Variants in ROR2 observed in about 807,000 individuals in gnomAD.
The protein encoded by ROR2 is tyrosine-protein kinase transmembrane receptor ROR2.
Under a neutral mutation model 74.9 loss-of-function variants are expected in ROR2, and 33 were observed. The observed-to-expected ratio is 0.44, with a 90% CI of 0.33 to 0.59. The LOEUF (loss-of-function observed/expected upper bound fraction) is 0.59. ROR2 is among the 20% of genes least tolerant of loss of function. ROR2 has a pLI of 0.02. For synonymous variants in ROR2, 586 were observed against 558.7 expected, an observed-to-expected ratio of 1.05 and a Z score of -0.69; for missense variants, 1,216 against 1,313.8, an observed-to-expected ratio of 0.93 and a Z score of 1.15.
In ROR2 at chr9:91,789,401, T is replaced by C. The variant is rs1483769936; in HGVS notation, c.98-13583A>G. On this transcript the variant is annotated intron_variant, in intron 1 of 8. Coordinates refer to ENST00000375708, the MANE Select transcript of ROR2 (RefSeq NM_004560.4). ...AAGAGTACTAGTAAAGGTAACTAAG[T>C]AGGTACTGTGAAAGACAGTATAAAC... Among the ~76,000 whole-genome samples the C allele has an allele frequency of 2.6e-5, 4 of 152,170 alleles. No homozygotes were observed. In the East Asian group the frequency reaches 5.8e-4, roughly 22 times the overall value.
intron 1 of ROR2, among the ~76,000 whole-genome samples, chr9:91,824,732 G>C (rs1828232917): frequency 6.6e-6 from 1 of 152,168 alleles, no homozygotes; most frequent in South Asian, 2.1e-4. Context: ...ATGAGAAACA[G>C]GGCATCGGGG....
intron 1 of ROR2, among the ~76,000 whole-genome samples, chr9:91,917,716 G>A (rs908185282): frequency 6.6e-5 from 10 of 150,542 alleles, no homozygotes; most frequent in African/African-American, 9.8e-5. Flanking sequence ...AGAGAGATGC[G>A]TGGGTGCACA....
At chr9:91,948,855 C>G (rs774485953) in intron 1 of ROR2, 386 of 985,498 alleles carry the variant, frequency 3.9e-4, no homozygotes, top group Non-Finnish European at 4.3e-4. Context: ...TCCTCCACCC[C>G]CGCAGGGTGC....
chr9:91,724,682 C>G lies in ROR2; in HGVS notation c.1812G>C (p.Glu604Asp). 6.2e-7 allele frequency: 1 copy of G among 1,614,192 alleles called. No individual in the cohort carries two copies. Among genetic ancestry groups the G allele is most frequent in the Non-Finnish European group, 8.5e-7 (1 of 1,180,048 alleles). ...HLVAQIAAGM[E>D]YLSSHHVVHK... is the part of the protein sequence containing the mutation. Reference sequence around the variant, plus strand: ...GAACCACGTGGTGGCTGGATAGGTACTCCATCCCCGCCGCGATCTGTGCCA... The same window carrying G: ...GAACCACGTGGTGGCTGGATAGGTAGTCCATCCCCGCCGCGATCTGTGCCA... The change falls in exon 9 of 9, where the codon GAG (glutamate) becomes GAC (aspartate). Residue 604 changes from glutamate (E) to aspartate (D), a missense_variant. Glu to Asp is a conservative substitution (Grantham distance 45). Transcript: ENST00000375708.
At chr9:91,879,111 A>C (rs1830035155) in intron 1 of ROR2, among the ~76,000 whole-genome samples, 1 of 152,068 alleles carries the variant, frequency 6.6e-6, no homozygotes, top group African/African-American at 2.4e-5. Flanking sequence ...CATTGTTCCC[A>C]AAAGCCACAG....
chr9:91,937,369 A>G (rs1451622737), intron 1 of ROR2, among the ~76,000 whole-genome samples: 2 of 152,146 alleles, frequency 1.3e-5, no homozygotes, highest in Admixed American at 6.5e-5. Context: ...GCAAACCCAG[A>G]GGATGAGGCG....
At chr9:91,768,436 GGACAGACAGA>G (rs1479623749) in intron 2 of ROR2, among the ~76,000 whole-genome samples, 2 of 152,168 alleles carry the variant, frequency 1.3e-5, no homozygotes, top group Non-Finnish European at 2.9e-5. Flanking sequence ...CACACCCTGG[GGACAGACAGA>G]GACAGACAGG....
intron 1 of ROR2, among the ~76,000 whole-genome samples, chr9:91,850,764 T>C (rs1829066161): frequency 6.6e-6 from 1 of 152,244 alleles, no homozygotes; most frequent in African/African-American, 2.4e-5. Context: ...ACTATTTATA[T>C]ATTATTTTTT....
At chr9:91,943,273 T>A (rs1831926336) in intron 1 of ROR2, among the ~76,000 whole-genome samples, 1 of 152,170 alleles carries the variant, frequency 6.6e-6, no homozygotes, top group Admixed American at 6.5e-5. Flanking sequence ...GCAACAGTAT[T>A]GAGAAACCAA....
At position 91,890,117 on chromosome 9, in the gene ROR2, T is replaced by C. The variant is rs151257238; in HGVS notation, c.97+59750A>G. 7.4e-3 allele frequency among the ~76,000 whole-genome samples: 1,128 copies of C among 152,292 alleles called. 9 individuals carry two copies. The highest frequency in any genetic ancestry group is 0.012 in the Non-Finnish European group (841 of 68,026). ...GGTGTTCTTAGGATGGATTGCTCTT[T>C]TCTTAGAAAATGGCAACTTCTTTCC... On this transcript the variant is annotated intron_variant, in intron 1 of 8. Transcript: ENST00000375708.
At chr9:91,734,905 A>G (rs940459895) in intron 5 of ROR2, among the ~76,000 whole-genome samples, 1 of 152,186 alleles carries the variant, frequency 6.6e-6, no homozygotes, top group Non-Finnish European at 1.5e-5. Flanking sequence ...ATGGAGGAAC[A>G]GAGAGGGCAA....
At position 91,724,581 on chromosome 9, in the gene ROR2, C is replaced by A; in HGVS notation, c.1913G>T (p.Arg638Leu). 6.2e-7 allele frequency: 1 copy of A among 1,614,114 alleles called. No individual in the cohort carries two copies. Among genetic ancestry groups the A allele is most frequent in the Non-Finnish European group, 8.5e-7 (1 of 1,180,026 alleles). ...GTAGTAATCGGCGGCATACACCTCT[C>A]GGAAGAGGCCCAAGTCTGAGATCTT... ...NVKISDLGLF[R>L]EVYAADYYKL... Residue 638 changes from arginine to leucine, a missense_variant, in exon 9 of 9, where the codon CGA (arginine) becomes CTA (leucine). Transcript: ENST00000375708.
chr9:91,782,080 G>A (rs1826638277), intron 1 of ROR2, among the ~76,000 whole-genome samples: 1 of 152,226 alleles, frequency 6.6e-6, no homozygotes. Flanking sequence ...CCACAGCCCT[G>A]GCAGCGGTGA....
At chr9:91,771,688 C>T (rs550010279) in intron 2 of ROR2, among the ~76,000 whole-genome samples, 1 of 151,024 alleles carries the variant, frequency 6.6e-6, no homozygotes, top group East Asian at 2.0e-4. Context: ...CTGAGAATCT[C>T]TCTCTCTGTC....
chr9:91,806,763 G>T (rs1428672646), intron 1 of ROR2, among the ~76,000 whole-genome samples: 1 of 152,092 alleles, frequency 6.6e-6, no homozygotes, highest in East Asian at 1.9e-4. Context: ...CTAATTTTTT[G>T]TATTTTTAGT....
At chr9:91,946,572 A>G (rs1285017219) in intron 1 of ROR2, among the ~76,000 whole-genome samples, 1 of 152,246 alleles carries the variant, frequency 6.6e-6, no homozygotes, top group Non-Finnish European at 1.5e-5. Context: ...AGATGGTTAT[A>G]AACCCTGGGA....
intron 2 of ROR2, among the ~76,000 whole-genome samples, chr9:91,772,052 T>C (rs1826248337): frequency 6.6e-6 from 1 of 152,244 alleles, no homozygotes; most frequent in African/African-American, 2.4e-5. Flanking sequence ...GCAGGAAGAA[T>C]GAGTCTGGCT....
At chr9:91,730,317 G>C (rs779178403) in intron 7 of ROR2, among the ~76,000 whole-genome samples, 1 of 152,188 alleles carries the variant, frequency 6.6e-6, no homozygotes, top group Non-Finnish European at 1.5e-5. Context: ...AGGGCTGATG[G>C]AAGGGGGTGG....
At chr9:91,788,184 A>G (rs1826859758) in intron 1 of ROR2, among the ~76,000 whole-genome samples, 1 of 152,202 alleles carries the variant, frequency 6.6e-6, no homozygotes, top group African/African-American at 2.4e-5. Flanking sequence ...AGAAAACAGA[A>G]TGAAGAAAAA....
Sources: allele counts gnomAD v4.1 joint callset (sites outside exome capture counted in the v4.1 genomes callset), GRCh38; gene constraint gnomAD v4.1.1; transcripts MANE v1.5; gene names NCBI Gene and HGNC (gene_info 2026-07-23, HGNC 2026-07-21).